The following XKR4 variants were observed in gnomAD, a reference collection of about 807,000 sequenced individuals.
XKR4 encodes the protein XK-related protein 4.
A neutral mutation model predicts 53.9 loss-of-function variants in XKR4; 12 were observed. The observed-to-expected ratio is 0.22, with a 90% CI of 0.14 to 0.36. The LOEUF is 0.36. XKR4 is among the 10% of genes least tolerant of loss of function. The probability of loss-of-function intolerance (pLI) is 1.00; values close to 1 mark genes in which losing one functional copy is unlikely to be tolerated. For missense variants in XKR4, 799 were observed against 859.5 expected, an observed-to-expected ratio of 0.93 and a Z score of 0.88; for synonymous variants, 354 against 362.4, an observed-to-expected ratio of 0.98 and a Z score of 0.26.
chr8:55,411,254 C>T (rs1804773902), intron 2 of XKR4, among the ~76,000 whole-genome samples: 1 of 152,178 alleles, frequency 6.6e-6, no homozygotes, highest in Non-Finnish European at 1.5e-5. Flanking sequence ...TCATCCCTGT[C>T]ACCTCACTTT....
chr8:55,491,897 A>G (rs1806277914), intron 2 of XKR4, among the ~76,000 whole-genome samples: 1 of 152,178 alleles, frequency 6.6e-6, no homozygotes, highest in African/African-American at 2.4e-5. Flanking sequence ...TGCCTAGTTT[A>G]TGCATACATG....
intron 2 of XKR4, among the ~76,000 whole-genome samples, chr8:55,443,564 A>C (rs2929056): frequency 0.16 from 21,351 of 136,924 alleles, 2,134 homozygotes; most frequent in East Asian, 0.4. Flanking sequence ...AAACAGAAGG[A>C]GGGGAGCAGT....
intron 2 of XKR4, among the ~76,000 whole-genome samples, chr8:55,372,524 T>A (rs2129386290): frequency 6.6e-6 from 1 of 151,548 alleles, no homozygotes; most frequent in South Asian, 2.1e-4. Flanking sequence ...AAAAGTGTTT[T>A]ACTATGGTAC....
In XKR4 at chr8:55,494,602, G is replaced by A. The variant is rs1806315611; in HGVS notation, c.1007-28679G>A. On this transcript the variant is annotated intron_variant, in intron 2 of 2. Coordinates refer to ENST00000327381, the MANE Select transcript of XKR4 (RefSeq NM_052898.2). Reference sequence around the variant, plus strand: ...TGGGTAGCTCCTCTCTGCAGCCAGGGTGTCCAACGAGTGTTCAGCTCTCAG... The same window carrying A: ...TGGGTAGCTCCTCTCTGCAGCCAGGATGTCCAACGAGTGTTCAGCTCTCAG... 3.3e-5 allele frequency among the ~76,000 whole-genome samples: 5 copies of A among 152,128 alleles called. No individual in the cohort carries two copies. The South Asian group carries it at 1.0e-3, about 32-fold the overall frequency.
intron 2 of XKR4, chr8:55,452,027 C>T (rs2129396434): frequency 1.3e-6 from 1 of 760,828 alleles, no homozygotes; most frequent in Admixed American, 1.8e-5. Context: ...TAACCAGGTT[C>T]CAGGACAGGG....
intron 1 of XKR4, among the ~76,000 whole-genome samples, chr8:55,111,001 A>C (rs1816223983): frequency 6.6e-6 from 1 of 152,320 alleles, no homozygotes; most frequent in Admixed American, 6.5e-5. Flanking sequence ...TGACACCATT[A>C]GGTCTTTTTT....
Position 55,538,815 on chromosome 8 carries a change from G to A in XKR4, c.*14588G>A, listed in dbSNP as rs1470322181. On this transcript the variant is annotated 3_prime_UTR_variant, in exon 3 of 3. Transcript: ENST00000327381. ...AGATATTAGTGAGATTAGAGTTGGT[G>A]TCATTTCCATTGAGTATCCTCTTCA... 2.0e-5 allele frequency: 3 copies of A among 152,168 alleles called. No homozygotes were observed. The highest frequency in any genetic ancestry group is 2.0e-4 in the Admixed American group (3 of 15,280). The allele number at this position is 152,168 out of a possible 1,614,324, so 9.4% of individuals were successfully genotyped here.
chr8:55,141,346 C>T (rs768290510), intron 1 of XKR4, among the ~76,000 whole-genome samples: 2 of 152,148 alleles, frequency 1.3e-5, no homozygotes, highest in Non-Finnish European at 2.9e-5. Context: ...CCCTCCCGTG[C>T]CCCTCAACTG....
intron 1 of XKR4, among the ~76,000 whole-genome samples, chr8:55,208,779 T>C (rs976934896): frequency 3.9e-5 from 6 of 152,164 alleles, no homozygotes; most frequent in African/African-American, 1.4e-4. Flanking sequence ...TTGTTTTCTT[T>C]TGTGAGAGAA....
intron 2 of XKR4, among the ~76,000 whole-genome samples, chr8:55,481,344 T>C (rs1202726093): frequency 6.6e-6 from 1 of 152,050 alleles, no homozygotes; most frequent in African/African-American, 2.4e-5. Flanking sequence ...GCTAGCCATA[T>C]GTAGAAAGCT....
intron 1 of XKR4, among the ~76,000 whole-genome samples, chr8:55,154,368 A>G (rs999145530): frequency 1.3e-5 from 2 of 152,210 alleles, no homozygotes; most frequent in Non-Finnish European, 2.9e-5. Context: ...GATGCTTTCC[A>G]TATAATATCA....
intron 2 of XKR4, among the ~76,000 whole-genome samples, chr8:55,436,967 G>A (rs567775689): frequency 5.7e-4 from 87 of 152,254 alleles, no homozygotes; most frequent in Non-Finnish European, 7.3e-5. Context: ...AGTTCTGCCC[G>A]ATCGAGTTTT....
At chr8:55,494,444 T>G (rs1806313049) in intron 2 of XKR4, among the ~76,000 whole-genome samples, 1 of 152,228 alleles carries the variant, frequency 6.6e-6, no homozygotes, top group South Asian at 2.1e-4. Context: ...ACAGCTCTTT[T>G]AGCCCCGCCA....
rs564374410 is a variant in XKR4 at position 55,244,487 on chromosome 8, T to C, written c.807-113191T>C. 7.9e-5 allele frequency among the ~76,000 whole-genome samples: 12 copies of C among 152,346 alleles called. No individual in the cohort carries two copies. The South Asian group carries it at 1.4e-3, about 18-fold the overall frequency. On this transcript the variant is annotated intron_variant, in intron 1 of 2. Transcript: ENST00000327381. ...TACCATTGATGGGCATTTAGGTTAATTCTATGTTTTTGCTATTGTGAATAG... is the reference window on the plus strand; with the variant it reads ...TACCATTGATGGGCATTTAGGTTAACTCTATGTTTTTGCTATTGTGAATAG...
intron 1 of XKR4, among the ~76,000 whole-genome samples, chr8:55,237,437 A>C (rs1312744729): frequency 6.6e-6 from 1 of 152,258 alleles, no homozygotes; most frequent in African/African-American, 2.4e-5. Context: ...TAAGAAAATC[A>C]TACAGAAGAG....
chr8:55,375,141 G>A (rs1359113279), intron 2 of XKR4, among the ~76,000 whole-genome samples: 2 of 152,344 alleles, frequency 1.3e-5, no homozygotes, highest in Non-Finnish European at 1.5e-5. Context: ...ACAGCGTGTG[G>A]CCTTGAGTGT....
intron 2 of XKR4, among the ~76,000 whole-genome samples, chr8:55,381,160 T>C (rs1262860278): frequency 6.6e-6 from 1 of 152,190 alleles, no homozygotes; most frequent in East Asian, 1.9e-4. Flanking sequence ...AGTAATTATT[T>C]TCATTTCAAG....
intron 1 of XKR4, among the ~76,000 whole-genome samples, chr8:55,308,856 A>G (rs1320317559): frequency 6.6e-6 from 1 of 152,218 alleles, no homozygotes; most frequent in Non-Finnish European, 1.5e-5. Flanking sequence ...GGCAAATTAA[A>G]GTTGCATGGA....
At chr8:55,179,412 G>T (rs889566924) in intron 1 of XKR4, among the ~76,000 whole-genome samples, 2 of 152,114 alleles carry the variant, frequency 1.3e-5, no homozygotes, top group Admixed American at 6.5e-5. Context: ...AGCAAGAGGG[G>T]TATTGTTTTG....
Sources: gnomAD v4.1 joint callset for allele counts (sites outside exome capture counted in the v4.1 genomes callset) on GRCh38, gnomAD v4.1.1 for gene constraint, MANE v1.5 for transcripts, NCBI Gene and HGNC (gene_info 2026-07-23, HGNC 2026-07-21) for gene names.